Variants in ERI3 observed in about 807,000 individuals in gnomAD.
ERI3 encodes ERI1 exoribonuclease 3.
Under a neutral mutation model 44.4 loss-of-function variants are expected in ERI3, and 18 were observed. The ratio of observed to expected loss-of-function variants is 0.41; its 90% CI spans 0.28 to 0.60. The LOEUF (loss-of-function observed/expected upper bound fraction) is 0.60. Ranked by LOEUF, ERI3 falls within the 20% of genes least tolerant of loss-of-function variation. The probability of loss-of-function intolerance (pLI) is 0.36; values close to 1 mark genes in which losing one functional copy is unlikely to be tolerated. For missense variants in ERI3, 294 were observed against 435.5 expected (o/e 0.68, Z 2.89); for synonymous variants, 183 against 164.8 (o/e 1.11, Z -0.84).
rs114488346 is a variant in ERI3, at chr1:44,298,592, A to C, written c.758+9718T>G. Among the ~76,000 whole-genome samples, 666 of 152,344 alleles carry C rather than the reference A, an allele frequency of 4.4e-3. 3 individuals are homozygous for C. The highest frequency in any genetic ancestry group is 0.015 in the African/African-American group (631 of 41,590). ...ATTCTTGATACATACAATGCACAGG[A>C]ATCTCCTATACATTATGTTATGCAA... On this transcript the variant is annotated intron_variant, in intron 6 of 8. Coordinates refer to ENST00000372257, the MANE Select transcript of ERI3 (RefSeq NM_024066.3).
intron 3 of ERI3, among the ~76,000 whole-genome samples, chr1:44,334,234 T>C (rs1311743275): frequency 6.6e-6 from 1 of 152,230 alleles, no homozygotes; most frequent in Non-Finnish European, 1.5e-5. Context: ...CTGTGGCCTA[T>C]ACCTCATTTT....
chr1:44,322,614 C>A, intron 3 of ERI3: 1 of 1,342,894 alleles, frequency 7.4e-7, no homozygotes, highest in Non-Finnish European at 9.9e-7. Context: ...TAACAATGAG[C>A]CTACACACTG....
chr1:44,272,511 T>C (rs1483017086), intron 7 of ERI3, among the ~76,000 whole-genome samples: 1 of 152,150 alleles, frequency 6.6e-6, no homozygotes, highest in Non-Finnish European at 1.5e-5. Context: ...CATACAGCCA[T>C]ACTATTTTTC....
rs1192800127 is a variant in ERI3, at chr1:44,235,392, C to A, written c.931+12547G>T. ...CTCTAGGTGCCTTCCCCCCATCCCG[C>A]CTTTGTGTTAGGAACCTCTTCTGTG... On this transcript the variant is annotated intron_variant, in intron 8 of 8. Transcript: ENST00000372257. The surrounding 1 kb of genome is among the most constrained non-coding windows in gnomAD (Gnocchi z 4.6). Among the ~76,000 whole-genome samples, 1 of 152,130 alleles carries A rather than the reference C, an allele frequency of 6.6e-6. No individual in the cohort carries two copies. Among genetic ancestry groups the A allele is most frequent in the African/African-American group, 2.4e-5 (1 of 41,412 alleles).
intron 8 of ERI3, among the ~76,000 whole-genome samples, chr1:44,226,832 CT>C (rs1425037149): frequency 6.8e-6 from 1 of 147,264 alleles, no homozygotes; most frequent in Non-Finnish European, 1.5e-5. Flanking sequence ...CCTATGTTTT[CT>C]TCTAATACTT....
At position 44,242,143 on chromosome 1, in the gene ERI3, T is replaced by G. The variant is rs536032644; in HGVS notation, c.931+5796A>C. 1.1e-5 allele frequency: 11 copies of G among 985,602 alleles called. No individual in the cohort carries two copies. In the South Asian group the frequency reaches 5.2e-4, roughly 46 times the overall value. The allele number at this position is 985,602 out of a possible 1,614,324, so 61.1% of individuals were successfully genotyped here. A position where few individuals can be genotyped will look rare whatever the true frequency, so the allele number is the denominator to read the frequency against. On this transcript the variant is annotated intron_variant, in intron 8 of 8. Coordinates refer to ENST00000372257, the MANE Select transcript of ERI3 (RefSeq NM_024066.3). ...TCCATCTCCCTAGCTTCTCACTTTC[T>G]TAGGGCCACACCAGAAAGAACTGGA...
chr1:44,343,448 G>C (rs898007650), intron 2 of ERI3, among the ~76,000 whole-genome samples: 1 of 152,118 alleles, frequency 6.6e-6, no homozygotes, highest in Non-Finnish European at 1.5e-5. Flanking sequence ...GAAGAACAAA[G>C]CATCATTTCT....
At position 44,319,707 on chromosome 1, in the gene ERI3, C is replaced by T. The variant is rs764477554; in HGVS notation, c.527G>A (p.Arg176Gln). Residue 176 changes from arginine (R) to glutamine (Q), a missense_variant, in exon 4 of 9, where the codon CGG becomes CAG. This residue lies in a region of ERI3 where 187 missense variants were observed against 338.6 expected (regional missense o/e 0.55). Transcript: ENST00000372257. ...IEFPILKLNG[R>Q]TMEIESTFHM... ...AAAGGTAGACTCAATCTCCATGGTC[C>T]GGCCATTTAGCTTTAGGATGGGGAA... 1.9e-5 allele frequency: 30 copies of T among 1,613,988 alleles called. No homozygotes were observed. The highest frequency in any genetic ancestry group is 2.3e-5 in the Non-Finnish European group (27 of 1,179,988).
chr1:44,245,650 T>C (rs755504730), intron 8 of ERI3, among the ~76,000 whole-genome samples: 1 of 152,028 alleles, frequency 6.6e-6, no homozygotes, highest in Non-Finnish European at 1.5e-5. Flanking sequence ...AAAGAAACCT[T>C]CTCTGAAAAA....
intron 6 of ERI3, among the ~76,000 whole-genome samples, chr1:44,304,013 G>A (rs1010331840): frequency 6.6e-6 from 1 of 152,206 alleles, no homozygotes; most frequent in African/African-American, 2.4e-5. Context: ...TGTGGATAGA[G>A]AAGGGATAAT....
At chr1:44,234,974 T>C (rs549835665) in intron 8 of ERI3, among the ~76,000 whole-genome samples, 1 of 152,294 alleles carries the variant, frequency 6.6e-6, no homozygotes, top group East Asian at 1.9e-4. Context: ...GTATTGTGAT[T>C]ATGTAAGATG....
intron 3 of ERI3, among the ~76,000 whole-genome samples, chr1:44,331,584 C>A (rs1646431279): frequency 6.6e-6 from 1 of 152,328 alleles, no homozygotes; most frequent in East Asian, 1.9e-4. Flanking sequence ...ACAATGACAC[C>A]TTCTAGCTCG....
intron 4 of ERI3, 121 bp downstream of exon 4, chr1:44,319,507 G>A (rs1029375366): frequency 1.5e-6 from 1 of 680,092 alleles, no homozygotes; most frequent in East Asian, 2.5e-5. Flanking sequence ...GCTAGGTCTA[G>A]TGTGCACTTG....
chr1:44,286,378 C>T (rs1280214941), intron 6 of ERI3, among the ~76,000 whole-genome samples: 1 of 151,966 alleles, frequency 6.6e-6, no homozygotes, highest in African/African-American at 2.4e-5. Context: ...GTTTGAGGCA[C>T]CTAGGAGATA....
chr1:44,250,652 C>T (rs1332833436), intron 7 of ERI3, among the ~76,000 whole-genome samples: 1 of 152,148 alleles, frequency 6.6e-6, no homozygotes, highest in Non-Finnish European at 1.5e-5. Context: ...GGGTGTCATG[C>T]CGCACAGTTT....
chr1:44,306,662 C>T (rs188827418), intron 6 of ERI3, among the ~76,000 whole-genome samples: 219 of 152,278 alleles, frequency 1.4e-3, no homozygotes, highest in African/African-American at 3.7e-3. Context: ...ACCTCATGCA[C>T]GGGAAAGTTT....
At chr1:44,312,157 C>G (rs143262070) in intron 5 of ERI3, among the ~76,000 whole-genome samples, 1 of 152,164 alleles carries the variant, frequency 6.6e-6, no homozygotes, top group East Asian at 1.9e-4. Flanking sequence ...GATCTCTCGG[C>G]TAAAAAAAAG....
At chr1:44,254,568 C>T (rs1644745228) in intron 7 of ERI3, among the ~76,000 whole-genome samples, 1 of 152,160 alleles carries the variant, frequency 6.6e-6, no homozygotes, top group African/African-American at 2.4e-5. Flanking sequence ...CATTTCTCCA[C>T]ACTTGCTCTT....
chr1:44,238,039 C>T (rs548779641), intron 8 of ERI3, among the ~76,000 whole-genome samples: 9 of 152,308 alleles, frequency 5.9e-5, no homozygotes, highest in Middle Eastern at 3.4e-3. Context: ...CGGCCCTACG[C>T]GGCCTCTGCT....
Sources: allele counts gnomAD v4.1 joint callset (sites outside exome capture counted in the v4.1 genomes callset), GRCh38; gene constraint gnomAD v4.1.1; regional missense constraint gnomAD v4.1.1; non-coding constraint Gnocchi (gnomAD v3.1); transcripts MANE v1.5; gene names NCBI Gene and HGNC (gene_info 2026-07-23, HGNC 2026-07-21).